The following BBS9 variants were observed in gnomAD, a reference collection of about 807,000 sequenced individuals.
The protein encoded by BBS9 is protein PTHB1.
BBS9 carries 89 observed loss-of-function variants against 117.7 expected under a neutral mutation model. That is an observed-to-expected ratio of 0.76 (90% confidence interval 0.64 to 0.90). BBS9 has a LOEUF of 0.90. BBS9 is among the 40% of genes least tolerant of loss of function. The pLI, the probability that BBS9 is intolerant of heterozygous loss-of-function variation, is 0.00. For missense variants in BBS9, 982 were observed against 1,042.2 expected (o/e 0.94, Z 0.80); for synonymous variants, 379 against 370.9 (o/e 1.02, Z -0.25).
chr7:33,214,750 A>T (rs1562810610), intron 5 of BBS9, among the ~76,000 whole-genome samples: 2 of 152,266 alleles, frequency 1.3e-5, no homozygotes, highest in African/African-American at 4.8e-5. Flanking sequence ...TGGGGATAAC[A>T]TTGCTAAAAT....
intron 2 of BBS9, among the ~76,000 whole-genome samples, chr7:33,149,429 CGAGTA>C (rs1242604007): frequency 6.7e-6 from 1 of 148,564 alleles, no homozygotes; most frequent in Non-Finnish European, 1.5e-5. Context: ...TAGAAGAAGC[CGAGTA>C]AAACACAGAA....
chr7:33,513,790 A>G (rs750665543), intron 20 of BBS9, among the ~76,000 whole-genome samples: 1 of 152,234 alleles, frequency 6.6e-6, no homozygotes, highest in Admixed American at 6.5e-5. Context: ...TGATGAATAT[A>G]TACAAGTGAA....
intron 20 of BBS9, among the ~76,000 whole-genome samples, chr7:33,530,763 T>A (rs1850452646): frequency 6.6e-6 from 1 of 152,196 alleles, no homozygotes. Context: ...TTAGGTCTCT[T>A]GAATCTGTTG....
chr7:33,266,208 T>G (rs990778033), intron 7 of BBS9, among the ~76,000 whole-genome samples: 3 of 152,236 alleles, frequency 2.0e-5, no homozygotes, highest in African/African-American at 7.2e-5. Context: ...TTCCATTCGA[T>G]TAGTGAATAG....
At chr7:33,592,362 G>A (rs1258721591) in intron 21 of BBS9, among the ~76,000 whole-genome samples, 1 of 152,094 alleles carries the variant, frequency 6.6e-6, no homozygotes, top group East Asian at 1.9e-4. Flanking sequence ...TGAAGGCCCA[G>A]ACTTTGACTT....
chr7:33,472,905 T>C (rs1221815078), intron 19 of BBS9, among the ~76,000 whole-genome samples: 7 of 152,182 alleles, frequency 4.6e-5, no homozygotes, highest in Non-Finnish European at 1.5e-5. Flanking sequence ...TTCCACTTGG[T>C]CAAATATGTA....
At chr7:33,548,876 C>T (rs1853878360) in intron 21 of BBS9, among the ~76,000 whole-genome samples, 2 of 150,192 alleles carry the variant, frequency 1.3e-5, no homozygotes, top group South Asian at 4.3e-4. Context: ...GATTCAATGC[C>T]ATCCCCATCA....
At chr7:33,430,407 T>G (rs906822677) in intron 19 of BBS9, among the ~76,000 whole-genome samples, 1 of 152,252 alleles carries the variant, frequency 6.6e-6, no homozygotes, top group Non-Finnish European at 1.5e-5. Flanking sequence ...ACTCAGCAGC[T>G]TTTTTCTTGT....
intron 18 of BBS9, among the ~76,000 whole-genome samples, chr7:33,387,741 T>G (rs1349237105): frequency 2.6e-5 from 4 of 152,230 alleles, no homozygotes; most frequent in Admixed American, 6.5e-5. Context: ...GAAAAACACT[T>G]ATTAAATGAT....
intron 5 of BBS9, among the ~76,000 whole-genome samples, chr7:33,219,131 G>T (rs984136398): frequency 6.6e-6 from 1 of 152,206 alleles, no homozygotes. Flanking sequence ...CAGCAGCTGC[G>T]GAGGGTATAC....
At chr7:33,361,781 CTCTAT>C (rs1166827002) in intron 16 of BBS9, among the ~76,000 whole-genome samples, 3 of 152,012 alleles carry the variant, frequency 2.0e-5, no homozygotes, top group Non-Finnish European at 2.9e-5. Flanking sequence ...CTGCAATGAT[CTCTAT>C]TCTAAGATTA....
chr7:33,241,055 C>T lies in BBS9; in HGVS notation c.443-16181C>T, dbSNP rs543194594. Among the ~76,000 whole-genome samples the T allele has an allele frequency of 6.6e-5, 10 of 152,202 alleles. No homozygotes were observed. The South Asian group carries it at 2.1e-3, about 32-fold the overall frequency. Reference sequence around the variant, plus strand: ...AGATACCATGTTAATAAGGGTGTATCTTAGGGGTATATTACTTAATTTGAC... The same window carrying T: ...AGATACCATGTTAATAAGGGTGTATTTTAGGGGTATATTACTTAATTTGAC... On this transcript the variant is annotated intron_variant, in intron 5 of 22. Coordinates refer to ENST00000242067, the MANE Select transcript of BBS9 (RefSeq NM_198428.3).
chr7:33,580,982 A>G (rs1360531778), intron 21 of BBS9, among the ~76,000 whole-genome samples: 1 of 152,148 alleles, frequency 6.6e-6, no homozygotes, highest in Non-Finnish European at 1.5e-5. Context: ...AAGTATCCAT[A>G]CCAAGCTGTG....
chr7:33,489,181 A>T (rs1433550005), intron 19 of BBS9, among the ~76,000 whole-genome samples: 1 of 151,422 alleles, frequency 6.6e-6, no homozygotes, highest in Admixed American at 6.6e-5. Context: ...TTTAGTAGAG[A>T]TGGGGTTTCG....
At chr7:33,346,565 G>T (rs1471141936) in intron 12 of BBS9, among the ~76,000 whole-genome samples, 1 of 152,014 alleles carries the variant, frequency 6.6e-6, no homozygotes, top group South Asian at 2.1e-4. Flanking sequence ...TTGTGATCTA[G>T]CCAAGTCTTT....
intron 5 of BBS9, among the ~76,000 whole-genome samples, chr7:33,222,636 T>A (rs755043353): frequency 2.6e-5 from 4 of 151,996 alleles, no homozygotes; most frequent in Non-Finnish European, 5.9e-5. Context: ...AATCTGATCT[T>A]GTCTTTGTCC....
At chr7:33,312,212 G>A (rs112041216) in intron 9 of BBS9, among the ~76,000 whole-genome samples, 42 of 147,088 alleles carry the variant, frequency 2.9e-4, no homozygotes, top group African/African-American at 8.9e-4. Flanking sequence ...ATTTTATAAT[G>A]TTCTTTTCTG....
At chr7:33,398,280 T>G (rs1191222782) in intron 19 of BBS9, among the ~76,000 whole-genome samples, 2 of 152,234 alleles carry the variant, frequency 1.3e-5, no homozygotes, top group Non-Finnish European at 2.9e-5. Flanking sequence ...GGGAGCCGTT[T>G]TCTCTTTCCT....
rs1023218229 is a variant in BBS9 at position 33,304,387 on chromosome 7, C to T, written c.1016+30431C>T. On this transcript the variant is annotated intron_variant, in intron 9 of 22. Coordinates refer to ENST00000242067, the MANE Select transcript of BBS9 (RefSeq NM_198428.3). ...GAGGAGCACCTCTGCCCGGCCGCCA[C>T]CCCATCTGGGAGGTGAGGAGTGTCT... Among the ~76,000 whole-genome samples the T allele has an allele frequency of 1.6e-4, 22 of 140,508 alleles. No individual in the cohort carries two copies. In the East Asian group the frequency reaches 3.4e-3, roughly 21 times the overall value. The allele number at this position is 140,508 out of a possible 152,430, so 92.2% of individuals were successfully genotyped here.
Sources: allele counts gnomAD v4.1 joint callset (sites outside exome capture counted in the v4.1 genomes callset), GRCh38; gene constraint gnomAD v4.1.1; transcripts MANE v1.5; gene names NCBI Gene and HGNC (gene_info 2026-07-23, HGNC 2026-07-21).